Variants in ZNF454 observed in about 807,000 individuals in gnomAD.
ZNF454 encodes the protein zinc finger protein 454.
ZNF454 carries 30 observed loss-of-function variants against 48.2 expected under a neutral mutation model. The ratio of observed to expected loss-of-function variants is 0.62; its 90% CI spans 0.47 to 0.84. The LOEUF (loss-of-function observed/expected upper bound fraction) is 0.84. Among genes scored for constraint, ZNF454 ranks in the 40% least tolerant of loss-of-function variants. ZNF454 has a pLI of 0.00. For synonymous variants in ZNF454, 204 were observed against 211.4 expected (o/e 0.97, Z 0.30); for missense variants, 510 against 623.1 (o/e 0.82, Z 1.93).
chr5:178,979,293 A>T, the ZNF454 span: 1 of 152,368 alleles, frequency 6.6e-6, no homozygotes, highest in Admixed American at 6.5e-5. Context: ...CTGTATGCAC[A>T]CACCGAGTGT....
Position 178,965,377 on chromosome 5 carries a change from G to C in ZNF454, c.973G>C (p.Glu325Gln). 1 of 1,614,190 alleles carries C rather than the reference G, an allele frequency of 6.2e-7. No homozygotes were observed. The highest frequency in any genetic ancestry group is 1.1e-5 in the South Asian group (1 of 91,090). The change falls in exon 5 of 5, where the codon GAG becomes CAG. Residue 325 changes from glutamate to glutamine, a missense_variant. Coordinates refer to ENST00000519564, the MANE Select transcript of ZNF454 (RefSeq NM_001178089.3). The surrounding 1 kb of genome is among the most constrained non-coding windows in gnomAD (Gnocchi z 5.2). ...CAAACACCAGAATATCCACAGTGGA[G>C]AGAAACCCTATAAATGCAATGAATG... Reference protein sequence around the residue: ...LTKHQNIHSGEKPYKCNECGK... With the variant: ...LTKHQNIHSGQKPYKCNECGK...
intron 4 of ZNF454, among the ~76,000 whole-genome samples, chr5:178,955,807 T>C (rs1759723952): frequency 6.6e-6 from 1 of 152,236 alleles, no homozygotes; most frequent in Non-Finnish European, 1.5e-5. Flanking sequence ...AGCAGAAGAC[T>C]TGTGGGACAG....
At chr5:178,986,970 G>T in the ZNF454 span, 1 of 1,613,834 alleles carries the variant, frequency 6.2e-7, no homozygotes, top group Non-Finnish European at 8.5e-7. Flanking sequence ...ACATCACAGG[G>T]GTTCCTGCGC....
chr5:178,985,512 G>A, the ZNF454 span: 6 of 339,704 alleles, frequency 1.8e-5, no homozygotes, highest in East Asian at 1.7e-4. Context: ...GACCATCCTG[G>A]CTAACACGGT....
At chr5:178,961,735 G>A (rs532611995) in intron 4 of ZNF454, among the ~76,000 whole-genome samples, 40 of 150,616 alleles carry the variant, frequency 2.7e-4, no homozygotes, top group African/African-American at 8.5e-4. Context: ...CAGGAGAATC[G>A]CTTGAATCCA....
chr5:178,951,168 G>A (rs1164939482), intron 4 of ZNF454, among the ~76,000 whole-genome samples: 1 of 151,858 alleles, frequency 6.6e-6, no homozygotes, highest in African/African-American at 2.4e-5. Flanking sequence ...TTAAAGAACT[G>A]TTTCTTATTT....
chr5:178,980,027 G>A, the ZNF454 span: 2 of 154,228 alleles, frequency 1.3e-5, no homozygotes, highest in African/African-American at 4.8e-5. The surrounding 1 kb of genome is among the most constrained non-coding windows in gnomAD (Gnocchi z 4.3). Context: ...CACAACAAAT[G>A]TGGAGAAGGA....
chr5:178,986,997 C>A, the ZNF454 span: 1 of 1,611,994 alleles, frequency 6.2e-7, no homozygotes, highest in Non-Finnish European at 8.5e-7. Flanking sequence ...GAGAGAGAGT[C>A]CGTCATCCTC....
chr5:178,945,208 G>A (rs888144212), intron 2 of ZNF454, among the ~76,000 whole-genome samples: 1 of 151,578 alleles, frequency 6.6e-6, no homozygotes, highest in African/African-American at 2.4e-5. Context: ...GTATGTGTCT[G>A]TGTGTTTGTG....
chr5:178,983,395 C>T, the ZNF454 span: 1 of 720,388 alleles, frequency 1.4e-6, no homozygotes, highest in African/African-American at 1.7e-5. Flanking sequence ...GGGATGGCAG[C>T]CCAGGCAGGG....
intron 4 of ZNF454, among the ~76,000 whole-genome samples, chr5:178,961,553 C>T (rs142988918): frequency 3.7e-4 from 56 of 151,602 alleles, no homozygotes; most frequent in Middle Eastern, 3.4e-3. Flanking sequence ...TGGTGGCTCA[C>T]GCCTGTAATC....
the ZNF454 span, chr5:178,986,626 C>T: frequency 1.2e-6 from 2 of 1,603,030 alleles, no homozygotes; most frequent in South Asian, 2.2e-5. Context: ...GTACCCGTCA[C>T]AGGCCTCGCA....
chr5:178,967,821 C>T (rs1012391240), downstream of ZNF454, among the ~76,000 whole-genome samples: 1 of 144,936 alleles, frequency 6.9e-6, no homozygotes, highest in Non-Finnish European at 1.5e-5. Context: ...CTCACTGTAA[C>T]TTCCACCTCC....
chr5:178,976,311 T>G, the ZNF454 span, among the ~76,000 whole-genome samples: 6 of 152,220 alleles, frequency 3.9e-5, no homozygotes, highest in Admixed American at 3.9e-4. Flanking sequence ...TAGTTTTGTA[T>G]GTTGTTTATT....
chr5:178,965,573 G>A lies in ZNF454; in HGVS notation c.1169G>A (p.Gly390Glu), dbSNP rs1186897551. The A allele has an allele frequency of 1.2e-6, 2 of 1,614,024 alleles. No individual in the cohort carries two copies. Among genetic ancestry groups the A allele is most frequent in the Admixed American group, 3.3e-5 (2 of 60,002 alleles). ...GEKPYKCNEC[G>E]KAFRDNSSFA... ...AAACCTTATAAATGTAATGAATGTG[G>A]GAAAGCTTTCAGGGATAATTCATCC... The change falls in exon 5 of 5, where the codon GGG becomes GAG. Residue 390 changes from glycine (G) to glutamate (E), a missense_variant. Gly to Glu is a moderately conservative substitution (Grantham distance 98). Transcript: ENST00000519564. The surrounding 1 kb of genome is among the most constrained non-coding windows in gnomAD (Gnocchi z 5.2).
intron 2 of ZNF454, among the ~76,000 whole-genome samples, chr5:178,943,852 C>T (rs1481342343): frequency 2.0e-5 from 3 of 152,028 alleles, no homozygotes; most frequent in Non-Finnish European, 2.9e-5. Context: ...AGTGAAACCC[C>T]GTCTCTACTA....
chr5:178,962,528 A>T (rs898974436), intron 4 of ZNF454, among the ~76,000 whole-genome samples: 3 of 151,736 alleles, frequency 2.0e-5, no homozygotes, highest in African/African-American at 7.2e-5. Flanking sequence ...AGACTATTGA[A>T]TTCATAATTT....
chr5:178,981,753 A>C, the ZNF454 span: 14 of 1,613,616 alleles, frequency 8.7e-6, no homozygotes, highest in Non-Finnish European at 1.1e-5. The surrounding 1 kb of genome is among the most constrained non-coding windows in gnomAD (Gnocchi z 5.1). Context: ...TCTGCTCTGG[A>C]TGGAAGAGGA....
At chr5:178,948,850 A>G (rs573344328) in intron 4 of ZNF454, among the ~76,000 whole-genome samples, 1 of 148,814 alleles carries the variant, frequency 6.7e-6, no homozygotes, top group Admixed American at 6.7e-5. Flanking sequence ...ATTTATATTT[A>G]AAAATAAATA....
Sources: allele counts gnomAD v4.1 joint callset (sites outside exome capture counted in the v4.1 genomes callset), GRCh38; gene constraint gnomAD v4.1.1; non-coding constraint Gnocchi (gnomAD v3.1); transcripts MANE v1.5; gene names NCBI Gene and HGNC (gene_info 2026-07-23, HGNC 2026-07-21).